The following MTAP variants were observed in gnomAD, a reference collection of about 807,000 sequenced individuals.
MTAP encodes the protein methylthioadenosine phosphorylase.
MTAP carries 33 observed loss-of-function variants against 33.6 expected under a neutral mutation model. The observed-to-expected ratio is 0.98, with a 90% CI of 0.74 to 1.31. MTAP has a LOEUF of 1.31. MTAP is among the 40% of genes most tolerant of loss of function. MTAP has a pLI of 0.00. For synonymous variants in MTAP, 148 were observed against 125.7 expected (o/e 1.18, Z -1.19); for missense variants, 367 against 360.0 (o/e 1.02, Z -0.16).
At chr9:21,868,370 T>G (rs950803800), downstream of MTAP, among the ~76,000 whole-genome samples, 3 of 151,932 alleles carry the variant, frequency 2.0e-5, no homozygotes, top group African/African-American at 7.3e-5. Flanking sequence ...AAGAGAAGAG[T>G]GAAGGGACTG....
At chr9:21,837,862 G>T (rs1378731762) in intron 4 of MTAP, 46 bp from the exon 5 acceptor site, 1 of 1,515,860 alleles carries the variant, frequency 6.6e-7, no homozygotes, top group Non-Finnish European at 9.1e-7. Flanking sequence ...TGGAAAGATG[G>T]CCTTAAAATA....
Position 21,864,382 on chromosome 9 carries a change from A to T in MTAP, c.*2368A>T. The T allele has an allele frequency of 1.0e-6, 1 of 985,304 alleles. No individual in the cohort carries two copies. Among genetic ancestry groups the T allele is most frequent in the Non-Finnish European group, 1.2e-6 (1 of 829,868 alleles). The allele number at this position is 985,304 out of a possible 1,614,324, so 61.0% of individuals were successfully genotyped here. A position where few individuals can be genotyped will look rare whatever the true frequency, so the allele number is the denominator to read the frequency against. On this transcript the variant is annotated 3_prime_UTR_variant, in exon 8 of 8. Coordinates refer to ENST00000644715, the MANE Select transcript of MTAP (RefSeq NM_002451.4). ...TTTTTTAATTTAAGCTAGTATACTAAGTGAACACCATGGTCAGTTGTGAGC... is the reference window on the plus strand; with the variant it reads ...TTTTTTAATTTAAGCTAGTATACTATGTGAACACCATGGTCAGTTGTGAGC...
At chr9:21,902,179 C>G (rs752769140) in intron 1 of MTAP, among the ~76,000 whole-genome samples, 1 of 152,190 alleles carries the variant, frequency 6.6e-6, no homozygotes, top group Non-Finnish European at 1.5e-5. Flanking sequence ...CTAGGAAAGA[C>G]ACACTGAAGC....
At chr9:21,938,030 T>C (rs979681613), downstream of MTAP, among the ~76,000 whole-genome samples, 1 of 152,152 alleles carries the variant, frequency 6.6e-6, no homozygotes, top group Non-Finnish European at 1.5e-5. Context: ...CCTAGCACTT[T>C]GAGAGGCTAA....
chr9:21,899,400 A>AGAAGGG (rs376794251), intron 1 of MTAP, among the ~76,000 whole-genome samples: 30 of 143,698 alleles, frequency 2.1e-4, no homozygotes, highest in Non-Finnish European at 6.1e-5. Flanking sequence ...GGAAGGAAGG[A>AGAAGGG]GAAGGGGAAG....
chr9:21,880,684 T>A (rs1338369880), intron 1 of MTAP, among the ~76,000 whole-genome samples: 1 of 152,062 alleles, frequency 6.6e-6, no homozygotes, highest in East Asian at 1.9e-4. Context: ...TACTTAGGAA[T>A]AAACTTAACA....
At position 21,904,955 on chromosome 9, in the gene MTAP, A is replaced by G. The variant is rs139214612; in HGVS notation, c.148-26053A>G. ...ACGGGGTGTGGCTCACTTCTTTGGT[A>G]TCCCGCTGCTCAAACCTCTAGGGGG... On this transcript the variant is annotated intron_variant, in intron 1 of 1. Transcript: ENST00000577563. Among the ~76,000 whole-genome samples, 539 of 152,254 alleles carry G rather than the reference A, an allele frequency of 3.5e-3. 2 individuals are homozygous for G. Among genetic ancestry groups the G allele is most frequent in the African/African-American group, 0.012 (503 of 41,546 alleles).
intron 4 of MTAP, among the ~76,000 whole-genome samples, chr9:21,835,434 C>G (rs1224963342): frequency 6.6e-6 from 1 of 152,034 alleles, no homozygotes; most frequent in African/African-American, 2.4e-5. Context: ...CCATGTCACT[C>G]AGAAAATTCA....
chr9:21,852,888 A>G (rs1349881740), intron 5 of MTAP, among the ~76,000 whole-genome samples: 1 of 152,120 alleles, frequency 6.6e-6, no homozygotes, highest in African/African-American at 2.4e-5. Context: ...GTGATCTAAT[A>G]TTGCTAGTTC....
Position 21,849,290 on chromosome 9 carries a change from G to C in MTAP, c.451-5341G>C, listed in dbSNP as rs774908843. On this transcript the variant is annotated intron_variant, in intron 5 of 7. Coordinates refer to ENST00000644715, the MANE Select transcript of MTAP (RefSeq NM_002451.4). ...CCAGGGTAACTGTGCACTGGGGAAA[G>C]GGAAATAATCAGACATTTCAGGGAC... 1.2e-4 allele frequency among the ~76,000 whole-genome samples: 19 copies of C among 152,264 alleles called. 1 individual carries two copies. The highest frequency in any genetic ancestry group is 2.5e-4 in the Non-Finnish European group (17 of 68,028).
chr9:21,907,893 G>A (rs539079139), intron 1 of MTAP, among the ~76,000 whole-genome samples: 1 of 151,864 alleles, frequency 6.6e-6, no homozygotes, highest in South Asian at 2.1e-4. Context: ...GACTGATCTT[G>A]GGCACCCTTT....
downstream of MTAP, among the ~76,000 whole-genome samples, chr9:21,940,097 CAGGACCCTTA>C (rs967181237): frequency 2.0e-5 from 3 of 152,160 alleles, no homozygotes; most frequent in South Asian, 2.1e-4. Context: ...GCCTGGCCAA[CAGGACCCTTA>C]AGGACCCTTA....
chr9:21,814,124 T>C (rs1021639636), intron 1 of MTAP, among the ~76,000 whole-genome samples: 1 of 152,226 alleles, frequency 6.6e-6, no homozygotes, highest in Admixed American at 6.5e-5. Flanking sequence ...AACCATGTCA[T>C]GGGAAACAGG....
chr9:21,858,324 G>A (rs556766777), intron 6 of MTAP, among the ~76,000 whole-genome samples: 56 of 152,212 alleles, frequency 3.7e-4, no homozygotes, highest in Middle Eastern at 3.4e-3. Flanking sequence ...ATCTGTATTA[G>A]TCTGTTATCA....
chr9:21,896,332 A>G (rs559001590), intron 1 of MTAP, among the ~76,000 whole-genome samples: 1 of 152,244 alleles, frequency 6.6e-6, no homozygotes, highest in Admixed American at 6.5e-5. Context: ...AAAGAACTAG[A>G]GAAGCAAGAG....
In MTAP at chr9:21,915,021, TTCCTTCCTTC is replaced by T. The variant is rs1246319355; in HGVS notation, c.148-15986_148-15977del. Among the ~76,000 whole-genome samples the T allele has an allele frequency of 5.1e-5, 5 of 98,980 alleles. 1 individual carries two copies. The highest frequency in any genetic ancestry group is 4.2e-4 in the East Asian group (1 of 2,382). The allele number at this position is 98,980 out of a possible 152,430, so 64.9% of individuals were successfully genotyped here. On this transcript the variant is annotated intron_variant, in intron 1 of 1. Coordinates refer to the MTAP transcript ENST00000577563. ...TTTCTTTCCTTCCTTCCTTCCTTCC[TTCCTTCCTTC>T]CTTCCTTCCTTCCTTCCTTCCTTCC...
At chr9:21,846,593 T>A (rs947720762) in intron 5 of MTAP, among the ~76,000 whole-genome samples, 1 of 152,150 alleles carries the variant, frequency 6.6e-6, no homozygotes, top group African/African-American at 2.4e-5. Context: ...ATAATAGATA[T>A]TGGTGTAGAT....
chr9:21,873,780 G>A (rs76015000), intron 1 of MTAP, among the ~76,000 whole-genome samples: 3,911 of 152,008 alleles, frequency 0.026, 142 homozygotes, highest in African/African-American at 0.088. Context: ...AACAACAGTC[G>A]TACTAAATGG....
intron 4 of MTAP, among the ~76,000 whole-genome samples, chr9:21,823,029 C>T (rs1055518152): frequency 3.9e-5 from 6 of 152,220 alleles, no homozygotes; most frequent in Middle Eastern, 3.4e-3. Context: ...TGTCTCTGCA[C>T]GTGAGTTGGG....
Sources: allele counts gnomAD v4.1 joint callset (sites outside exome capture counted in the v4.1 genomes callset), GRCh38; gene constraint gnomAD v4.1.1; transcripts MANE v1.5; gene names NCBI Gene and HGNC (gene_info 2026-07-23, HGNC 2026-07-21).